CHLSN: variants seen among roughly 807,000 people sequenced by gnomAD.
The protein encoded by CHLSN is cholesin.
the CHLSN span, among the ~76,000 whole-genome samples, chr7:1,068,454 T>C: frequency 6.6e-6 from 1 of 152,150 alleles, no homozygotes; most frequent in Non-Finnish European, 1.5e-5. Flanking sequence ...GGACGCTGCC[T>C]GGTGTGGACA....
chr7:1,033,170 C>T, the CHLSN span, among the ~76,000 whole-genome samples: 19 of 152,302 alleles, frequency 1.2e-4, no homozygotes, highest in African/African-American at 4.3e-4. Context: ...TAAATACAGA[C>T]GCAAACATCC....
chr7:1,058,255 C>T, the CHLSN span: 53 of 770,126 alleles, frequency 6.9e-5, no homozygotes, highest in African/African-American at 2.9e-4. Flanking sequence ...GGGCTCTGGA[C>T]GCCACACTAT....
At chr7:988,848 CTGACCACTCCCCT>C in the CHLSN span, 1 of 1,400,858 alleles carries the variant, frequency 7.1e-7, no homozygotes, top group Admixed American at 2.0e-5. Context: ...CCAGGTCCTC[CTGACCACTCCCCT>C]CCCAGCCCTG....
the CHLSN span, among the ~76,000 whole-genome samples, chr7:1,097,132 G>A: frequency 6.6e-6 from 1 of 152,200 alleles, no homozygotes; most frequent in Non-Finnish European, 1.5e-5. This position sits in a 1 kb window ranked among gnomAD's most constrained non-coding sequence, Gnocchi z 4.3. Context: ...CACAGACTAC[G>A]CGAGTACGTT....
chr7:1,031,179 G>A, the CHLSN span, among the ~76,000 whole-genome samples: 78 of 152,354 alleles, frequency 5.1e-4, no homozygotes, highest in South Asian at 1.2e-3. Flanking sequence ...ACGGGATGCC[G>A]TTCCACACGC....
the CHLSN span, chr7:1,093,201 G>A: frequency 7.7e-5 from 40 of 517,180 alleles, no homozygotes; most frequent in African/African-American, 4.6e-4. Context: ...TGACACCGTC[G>A]ACCAGGAAAG....
chr7:1,001,615 C>T, the CHLSN span, among the ~76,000 whole-genome samples: 1 of 10,812 alleles, frequency 9.2e-5, no homozygotes, highest in Non-Finnish European at 1.7e-4. Flanking sequence ...GGGGTCCTGC[C>T]GGTGGGGAGT....
the CHLSN span, among the ~76,000 whole-genome samples, chr7:1,107,279 G>A: frequency 5.4e-4 from 82 of 152,262 alleles, no homozygotes; most frequent in Non-Finnish European, 9.7e-4. Flanking sequence ...GAATGGGAGA[G>A]AGCCCATGAT....
the CHLSN span, among the ~76,000 whole-genome samples, chr7:1,037,667 C>T: frequency 1.6e-5 from 2 of 127,362 alleles, no homozygotes; most frequent in African/African-American, 2.8e-5. Flanking sequence ...CCGGCCGCCA[C>T]CCCGTCTGGG....
chr7:1,041,200 C>T, the CHLSN span, among the ~76,000 whole-genome samples: 10,144 of 137,242 alleles, frequency 0.074, 718 homozygotes, highest in South Asian at 0.12. Context: ...ACTTGGGCTC[C>T]GCACTGCAGG....
At chr7:1,062,058 C>T in the CHLSN span, among the ~76,000 whole-genome samples, 4 of 152,242 alleles carry the variant, frequency 2.6e-5, no homozygotes, top group South Asian at 2.1e-4. Flanking sequence ...AGTTTTTCAG[C>T]GCGTGACGTC....
At chr7:1,022,823 G>T in the CHLSN span, 3 of 311,754 alleles carry the variant, frequency 9.6e-6, no homozygotes, top group Non-Finnish European at 2.0e-5. Flanking sequence ...CCCCTTCCAT[G>T]TTGATACCGA....
At chr7:979,504 C>T in the CHLSN span, among the ~76,000 whole-genome samples, 1 of 152,108 alleles carries the variant, frequency 6.6e-6, no homozygotes, top group South Asian at 2.1e-4. Flanking sequence ...ATAATCCCAG[C>T]ACTTTGGGTG....
At chr7:1,059,802 CGTAGTGGGGCGGGTCT>C in the CHLSN span, among the ~76,000 whole-genome samples, 2 of 57,276 alleles carry the variant, frequency 3.5e-5, no homozygotes, top group Admixed American at 2.3e-4. Context: ...TAGGCAGGCC[CGTAGTGGGGCGGGTCT>C]GTAGTGGGGC....
the CHLSN span, among the ~76,000 whole-genome samples, chr7:1,015,699 G>A: frequency 6.6e-6 from 1 of 152,182 alleles, no homozygotes; most frequent in South Asian, 2.1e-4. Flanking sequence ...TAACCCAGAG[G>A]GCCAGAGGGA....
the CHLSN span, among the ~76,000 whole-genome samples, chr7:1,080,479 G>A: frequency 6.6e-6 from 1 of 152,224 alleles, no homozygotes; most frequent in Non-Finnish European, 1.5e-5. Context: ...GGTCCGGGGA[G>A]TCTGATCACG....
the CHLSN span, among the ~76,000 whole-genome samples, chr7:1,107,894 C>G: frequency 1.4e-5 from 2 of 146,840 alleles, no homozygotes; most frequent in African/African-American, 5.2e-5. Flanking sequence ...GACCCGCACC[C>G]CGGGAGGAAG....
At chr7:1,074,568 C>G in the CHLSN span, 2 of 147,000 alleles carry the variant, frequency 1.4e-5, no homozygotes, top group Admixed American at 6.8e-5. Flanking sequence ...GACAGCAGGG[C>G]GGGGCGGGGG....
At chr7:1,053,178 A>G in the CHLSN span, among the ~76,000 whole-genome samples, 4 of 149,688 alleles carry the variant, frequency 2.7e-5, no homozygotes, top group Admixed American at 1.3e-4. Flanking sequence ...CAAGCGGGAG[A>G]CCACGGACAG....
Sources: allele counts gnomAD v4.1 joint callset (sites outside exome capture counted in the v4.1 genomes callset), GRCh38; gene constraint gnomAD v4.1.1; non-coding constraint Gnocchi (gnomAD v3.1); transcripts MANE v1.5; gene names NCBI Gene and HGNC (gene_info 2026-07-23, HGNC 2026-07-21).